The following MPC1 variants were observed in gnomAD, a reference collection of about 807,000 sequenced individuals.
The protein encoded by MPC1 is mitochondrial pyruvate carrier 1, also known as HSPC040 protein.
In MPC1, 6 loss-of-function variants were observed where a neutral mutation model predicts 13.9. The observed-to-expected ratio is 0.43, with a 90% CI of 0.24 to 0.85. The LOEUF (loss-of-function observed/expected upper bound fraction) is 0.85, where lower values mean the gene tolerates loss of function less well. Ranked by LOEUF, MPC1 falls within the 40% of genes least tolerant of loss-of-function variation. MPC1 has a pLI of 0.24. For missense variants in MPC1, 115 were observed against 143.3 expected, an observed-to-expected ratio of 0.80 and a Z score of 1.01; for synonymous variants, 47 against 50.5, an observed-to-expected ratio of 0.93 and a Z score of 0.29.
chr6:166,376,646 AAAGTT>A (rs1562460748), intron 1 of MPC1, among the ~76,000 whole-genome samples: 2 of 152,354 alleles, frequency 1.3e-5, no homozygotes, highest in Non-Finnish European at 2.9e-5. Flanking sequence ...TTAACCCAGT[AAAGTT>A]GACACCTAAA....
intron 1 of MPC1, among the ~76,000 whole-genome samples, chr6:166,371,333 C>T (rs1034846814): frequency 2.6e-5 from 4 of 152,212 alleles, no homozygotes; most frequent in Admixed American, 1.3e-4. Context: ...GTAAAAATGT[C>T]AATGCTGTTT....
intron 1 of MPC1, among the ~76,000 whole-genome samples, chr6:166,380,939 CAAAAAAAAAAAAA>C (rs1175434820): frequency 8.4e-5 from 4 of 47,728 alleles, no homozygotes; most frequent in Non-Finnish European, 1.8e-4. Context: ...AACTCTGTCT[CAAAAAAAAAAAAA>C]AAAAAAAAAA....
intron 2 of MPC1, 177 bp downstream of exon 2, chr6:166,370,041 G>C: frequency 1.4e-6 from 1 of 715,952 alleles, no homozygotes; most frequent in Non-Finnish European, 2.6e-6. Flanking sequence ...GGCTGTCACA[G>C]AGCTCGTGTC....
chr6:166,378,131 G>A (rs566069404), intron 1 of MPC1, among the ~76,000 whole-genome samples: 5 of 152,148 alleles, frequency 3.3e-5, no homozygotes, highest in Non-Finnish European at 5.9e-5. Context: ...ATGAAGCACT[G>A]GAATTTCTAA....
intron 1 of MPC1, among the ~76,000 whole-genome samples, chr6:166,380,939 C>CAAAAAAA (rs1175434820): frequency 3.4e-4 from 16 of 47,718 alleles, no homozygotes; most frequent in African/African-American, 7.2e-4. Context: ...AACTCTGTCT[C>CAAAAAAA]AAAAAAAAAA....
rs982007105 is a variant in MPC1 at position 166,365,627 on chromosome 6, T to C, written c.306-174A>G. The stretch of plus-strand genomic sequence containing the variant: ...CATCTGAAATGCTTAGGCCCAGACA[T>C]GTTTCAGATTTTTTCAGATTTCGGA... On this transcript the variant is annotated intron_variant, in intron 4 of 4. Coordinates refer to ENST00000360961, the MANE Select transcript of MPC1 (RefSeq NM_016098.4). The surrounding 1 kb of genome is among the most constrained non-coding windows in gnomAD (Gnocchi z 4.2). Among the ~76,000 whole-genome samples, 2 of 152,186 alleles carry C rather than the reference T, an allele frequency of 1.3e-5. No homozygotes were observed. The highest frequency in any genetic ancestry group is 2.9e-5 in the Non-Finnish European group (2 of 68,036).
At position 166,365,698 on chromosome 6, in the gene MPC1, A is replaced by T. The variant is rs1459337695; in HGVS notation, c.306-245T>A. ...GAACATCCCTAAACTGAAAATCCAA[A>T]ATCCAAAATGCTCCAATGAGCACTT... On this transcript the variant is annotated intron_variant, in intron 4 of 4. Transcript: ENST00000360961. The surrounding 1 kb of genome is among the most constrained non-coding windows in gnomAD (Gnocchi z 4.2). Among the ~76,000 whole-genome samples the T allele has an allele frequency of 6.6e-6, 1 of 152,162 alleles. No homozygotes were observed. The highest frequency in any genetic ancestry group is 1.9e-4 in the East Asian group (1 of 5,202).
chr6:166,375,840 G>A (rs1163369985), intron 1 of MPC1, among the ~76,000 whole-genome samples: 1 of 152,202 alleles, frequency 6.6e-6, no homozygotes, highest in Non-Finnish European at 1.5e-5. Context: ...GTGAGCTTGA[G>A]AAGAATGTGT....
At chr6:166,370,016 C>T (rs780671660) in intron 2 of MPC1, 6 of 704,274 alleles carry the variant, frequency 8.5e-6, no homozygotes, top group Non-Finnish European at 1.6e-5. Context: ...GAGTAGGGAG[C>T]AGCCCCAGGA....
chr6:166,367,598 G>A (rs767234435), intron 2 of MPC1, among the ~76,000 whole-genome samples: 3 of 152,150 alleles, frequency 2.0e-5, no homozygotes, highest in Non-Finnish European at 4.4e-5. Context: ...AAGTGAAGTC[G>A]TCTGTGTTTG....
At chr6:166,374,784 T>G (rs1457799100) in intron 1 of MPC1, among the ~76,000 whole-genome samples, 1 of 152,246 alleles carries the variant, frequency 6.6e-6, no homozygotes, top group Non-Finnish European at 1.5e-5. Context: ...CACTTTATTC[T>G]GTTCCATTGA....
At chr6:166,371,881 T>C (rs1779393845) in intron 1 of MPC1, among the ~76,000 whole-genome samples, 1 of 152,184 alleles carries the variant, frequency 6.6e-6, no homozygotes, top group Non-Finnish European at 1.5e-5. Context: ...ATGTGGTTAC[T>C]CTCTCTTTCA....
intron 1 of MPC1, among the ~76,000 whole-genome samples, chr6:166,378,704 A>G (rs1779659694): frequency 6.6e-6 from 1 of 152,238 alleles, no homozygotes; most frequent in Admixed American, 6.5e-5. Context: ...GTATTGGAAT[A>G]GAGACCCAGG....
intron 1 of MPC1, among the ~76,000 whole-genome samples, chr6:166,376,880 T>C (rs950412213): frequency 1.4e-4 from 21 of 152,350 alleles, no homozygotes; most frequent in African/African-American, 5.1e-4. Flanking sequence ...AGACAATGTA[T>C]ATTGAGTCTT....
chr6:166,382,767 C>A (rs1213377989), intron 1 of MPC1, 39 bp downstream of exon 1: 1 of 1,550,666 alleles, frequency 6.4e-7, no homozygotes. Flanking sequence ...TCCCGGGAGC[C>A]CCTCCGGGTT....
intron 1 of MPC1, among the ~76,000 whole-genome samples, chr6:166,375,437 T>G (rs1338491475): frequency 2.0e-5 from 3 of 146,638 alleles, no homozygotes. Flanking sequence ...CTGCTTATTT[T>G]CATTCTAATT....
Sources: allele counts gnomAD v4.1 joint callset (sites outside exome capture counted in the v4.1 genomes callset), GRCh38; gene constraint gnomAD v4.1.1; non-coding constraint Gnocchi (gnomAD v3.1); transcripts MANE v1.5; gene names NCBI Gene and HGNC (gene_info 2026-07-23, HGNC 2026-07-21).